The following PCSK6 variants were observed in gnomAD, a reference collection of about 807,000 sequenced individuals.
PCSK6 encodes the protein paired basic amino acid cleaving enzyme 4.
A neutral mutation model predicts 123.3 loss-of-function variants in PCSK6; 85 were observed. The observed-to-expected ratio is 0.69, with a 90% CI of 0.58 to 0.83. The LOEUF is 0.83. Among genes scored for constraint, PCSK6 ranks in the 40% least tolerant of loss-of-function variants. PCSK6 has a pLI of 0.00. For missense variants in PCSK6, 1,191 were observed against 1,282.3 expected (o/e 0.93, Z 1.09); for synonymous variants, 508 against 516.0 (o/e 0.98, Z 0.21).
At chr15:101,424,075 G>T (rs1300281922) in intron 6 of PCSK6, among the ~76,000 whole-genome samples, 1 of 151,536 alleles carries the variant, frequency 6.6e-6, no homozygotes, top group Non-Finnish European at 1.5e-5. Context: ...AAAGGTGTGT[G>T]TTTTTTTTAA....
At chr15:101,459,458 ACCATTC>A (rs2057281452) in intron 1 of PCSK6, among the ~76,000 whole-genome samples, 19 of 139,348 alleles carry the variant, frequency 1.4e-4, no homozygotes, top group East Asian at 8.8e-4. Flanking sequence ...ACCTGCTGCC[ACCATTC>A]CCGTCCCCCC....
chr15:101,403,127 T>C (rs1421219751), intron 6 of PCSK6, among the ~76,000 whole-genome samples: 1 of 151,838 alleles, frequency 6.6e-6, no homozygotes, highest in Admixed American at 6.6e-5. Context: ...TGTAGGGACA[T>C]GGATGAAACT....
intron 11 of PCSK6, among the ~76,000 whole-genome samples, chr15:101,370,752 A>G (rs1489777676): frequency 2.6e-5 from 4 of 152,252 alleles, no homozygotes; most frequent in African/African-American, 9.6e-5. Context: ...AGAGATTTGA[A>G]AGATGGTTCG....
intron 13 of PCSK6, among the ~76,000 whole-genome samples, chr15:101,342,136 A>AAAAAAAAAAAAAAAAC (rs2040628670): frequency 6.7e-6 from 1 of 149,454 alleles, no homozygotes; most frequent in Non-Finnish European, 1.5e-5. Flanking sequence ...TCTCAAAAAA[A>AAAAAAAAAAAAAAAAC]AAAAAAAAAA....
In PCSK6 at chr15:101,322,626, AT is replaced by A; in HGVS notation, c.2378-20del. ...TTCTGACCTGGAGAAAAATAGCGAG[AT>A]AAGAAAAGAGAAGGGACGACACTGA... On this transcript the variant is annotated intron_variant, in intron 17 of 21. Coordinates refer to ENST00000611716, the MANE Select transcript of PCSK6 (RefSeq NM_002570.5). 1 of 1,513,250 alleles carries A rather than the reference AT, an allele frequency of 6.6e-7. No homozygotes were observed. The highest frequency in any genetic ancestry group is 9.2e-7 in the Non-Finnish European group (1 of 1,088,570). The allele number at this position is 1,513,250 out of a possible 1,614,324, so 93.7% of individuals were successfully genotyped here. A position where few individuals can be genotyped will look rare whatever the true frequency, so the allele number is the denominator to read the frequency against.
intron 13 of PCSK6, among the ~76,000 whole-genome samples, chr15:101,350,995 T>C (rs1162482850): frequency 6.6e-6 from 1 of 152,184 alleles, no homozygotes; most frequent in East Asian, 1.9e-4. Context: ...ACAAAGGTAA[T>C]GAATATTCAC....
chr15:101,352,705 A>AT lies in PCSK6; in HGVS notation c.1858+13490dup, dbSNP rs575218580. ...AAAACACAGTTAAACACCTGCATTCATTTTTTCAGAATTTCTCTAGCTATT... is the reference window on the plus strand; with the variant it reads ...AAAACACAGTTAAACACCTGCATTCATTTTTTTCAGAATTTCTCTAGCTATT... On this transcript the variant is annotated intron_variant, in intron 13 of 21. Coordinates refer to ENST00000611716, the MANE Select transcript of PCSK6 (RefSeq NM_002570.5). 1.6e-3 allele frequency among the ~76,000 whole-genome samples: 237 copies of AT among 152,170 alleles called. 2 individuals carry two copies. Among genetic ancestry groups the AT allele is most frequent in the Admixed American group, 0.014 (213 of 15,288 alleles).
chr15:101,340,513 C>A (rs1472497873), intron 13 of PCSK6, among the ~76,000 whole-genome samples: 1 of 152,196 alleles, frequency 6.6e-6, no homozygotes, highest in Non-Finnish European at 1.5e-5. Context: ...GTCAAAAACT[C>A]TTACAAGGTT....
chr15:101,360,226 GC>G (rs1366181203), intron 13 of PCSK6, among the ~76,000 whole-genome samples: 1 of 152,064 alleles, frequency 6.6e-6, no homozygotes, highest in Non-Finnish European at 1.5e-5. Context: ...TGGCTTCCCC[GC>G]CTTTGTTCCT....
intron 6 of PCSK6, among the ~76,000 whole-genome samples, chr15:101,422,539 C>T (rs898837171): frequency 2.0e-5 from 3 of 151,724 alleles, no homozygotes; most frequent in Admixed American, 6.6e-5. Flanking sequence ...TAAGGCTATG[C>T]GAAAATCAGA....
chr15:101,312,994 G>C (rs2039901981), intron 20 of PCSK6: 8 of 1,161,294 alleles, frequency 6.9e-6, no homozygotes, highest in South Asian at 1.8e-5. Flanking sequence ...GACAGAGTGA[G>C]AGTGTGTCTC....
At chr15:101,464,649 T>C (rs2057414616) in intron 1 of PCSK6, among the ~76,000 whole-genome samples, 1 of 152,144 alleles carries the variant, frequency 6.6e-6, no homozygotes, top group Non-Finnish European at 1.5e-5. Context: ...TAGCTGCTGC[T>C]GGTCTGCTGG....
At position 101,305,192 on chromosome 15, in the gene PCSK6, AGT is replaced by A; in HGVS notation, c.*64_*65del. 7.5e-7 allele frequency: 1 copy of A among 1,337,814 alleles called. No individual in the cohort carries two copies. Among genetic ancestry groups the A allele is most frequent in the East Asian group, 2.4e-5 (1 of 41,174 alleles). The allele number at this position is 1,337,814 out of a possible 1,614,324, so 82.9% of individuals were successfully genotyped here. On this transcript the variant is annotated 3_prime_UTR_variant, in exon 22 of 22. Coordinates refer to ENST00000611716, the MANE Select transcript of PCSK6 (RefSeq NM_002570.5). This position sits in a 1 kb window ranked among gnomAD's most constrained non-coding sequence, Gnocchi z 4.8. Reference sequence around the variant, plus strand: ...GCTCCTGAAACAGACTCTGGCCGACAGTCTGGAGGAAGGTGGACGGATGGATG... The same window carrying A: ...GCTCCTGAAACAGACTCTGGCCGACACTGGAGGAAGGTGGACGGATGGATG...
intron 10 of PCSK6, 200 bp downstream of exon 10, chr15:101,384,122 C>T: frequency 2.2e-6 from 3 of 1,369,204 alleles, no homozygotes; most frequent in South Asian, 1.6e-5. Flanking sequence ...ACTCTTGTGA[C>T]CTGAGGGTTC....
intron 6 of PCSK6, among the ~76,000 whole-genome samples, chr15:101,406,184 G>T (rs921155634): frequency 6.7e-6 from 1 of 148,914 alleles, no homozygotes; most frequent in South Asian, 2.1e-4. Context: ...AACATTAAGA[G>T]CAATGGGAAG....
In PCSK6 at chr15:101,444,144, C is replaced by T. The variant is rs145005722; in HGVS notation, c.298-484G>A. Among the ~76,000 whole-genome samples the T allele has an allele frequency of 7.2e-3, 1,101 of 152,280 alleles. 9 individuals carry two copies. The highest frequency in any genetic ancestry group is 9.2e-3 in the Non-Finnish European group (626 of 68,024). Reference sequence around the variant, plus strand: ...AGTGCAACAGGACAGCCAAAGAAAACACATGGATCCATCTGCTTGGGGATT... The same window carrying T: ...AGTGCAACAGGACAGCCAAAGAAAATACATGGATCCATCTGCTTGGGGATT... On this transcript the variant is annotated intron_variant, in intron 1 of 21. Coordinates refer to ENST00000611716, the MANE Select transcript of PCSK6 (RefSeq NM_002570.5).
At chr15:101,458,923 C>A (rs1209189414) in intron 1 of PCSK6, among the ~76,000 whole-genome samples, 1 of 152,182 alleles carries the variant, frequency 6.6e-6, no homozygotes, top group Non-Finnish European at 1.5e-5. Flanking sequence ...CATTTAACCA[C>A]CCCGACATCC....
At chr15:101,381,644 A>T (rs2041912774) in intron 11 of PCSK6, among the ~76,000 whole-genome samples, 1 of 152,226 alleles carries the variant, frequency 6.6e-6, no homozygotes, top group African/African-American at 2.4e-5. Context: ...GGCCTGGTGG[A>T]TTCACACTGC....
chr15:101,456,890 G>T (rs746366952), intron 1 of PCSK6, among the ~76,000 whole-genome samples: 1 of 152,184 alleles, frequency 6.6e-6, no homozygotes, highest in Non-Finnish European at 1.5e-5. Flanking sequence ...CAAGATCTCA[G>T]CTTGGGCTGG....
Sources: gnomAD v4.1 joint callset for allele counts (sites outside exome capture counted in the v4.1 genomes callset) on GRCh38, gnomAD v4.1.1 for gene constraint, Gnocchi (gnomAD v3.1) non-coding constraint, MANE v1.5 for transcripts, NCBI Gene and HGNC (gene_info 2026-07-23, HGNC 2026-07-21) for gene names.